KCNMB2: variants seen among roughly 807,000 people sequenced by gnomAD.
KCNMB2 encodes potassium calcium-activated channel subfamily M regulatory beta subunit 2.
A neutral mutation model predicts 24.5 loss-of-function variants in KCNMB2; 9 were observed. The observed-to-expected ratio is 0.37, with a 90% CI of 0.22 to 0.64. The LOEUF is 0.64. Among genes scored for constraint, KCNMB2 ranks in the 30% least tolerant of loss-of-function variants. The pLI is 0.63. For missense variants in KCNMB2, 226 were observed against 284.3 expected (o/e 0.79, Z 1.47); for synonymous variants, 109 against 104.4 (o/e 1.04, Z -0.27).
chr3:178,565,036 G>A (rs1246805098), intron 1 of KCNMB2, among the ~76,000 whole-genome samples: 3 of 151,902 alleles, frequency 2.0e-5, no homozygotes, highest in African/African-American at 4.8e-5. Context: ...ATATTTCTTA[G>A]TATAAAAATC....
chr3:178,728,060 T>C (rs940194357), intron 1 of KCNMB2, among the ~76,000 whole-genome samples: 2 of 152,228 alleles, frequency 1.3e-5, no homozygotes, highest in Admixed American at 1.3e-4. Flanking sequence ...TGCATGGAAC[T>C]GGCTATCTGT....
intron 1 of KCNMB2, chr3:178,795,062 A>G (rs1425247734): frequency 6.6e-6 from 1 of 152,188 alleles, no homozygotes; most frequent in East Asian, 1.9e-4. Flanking sequence ...AACTGATTAC[A>G]TATTTGATGT....
chr3:178,781,567 T>C (rs1712841472), intron 1 of KCNMB2, among the ~76,000 whole-genome samples: 1 of 151,844 alleles, frequency 6.6e-6, no homozygotes, highest in African/African-American at 2.4e-5. Context: ...ACTCCAGCCT[T>C]GGAGCAAGAC....
At chr3:178,663,484 C>T (rs1720609832) in intron 1 of KCNMB2, among the ~76,000 whole-genome samples, 1 of 152,078 alleles carries the variant, frequency 6.6e-6, no homozygotes, top group African/African-American at 2.4e-5. Flanking sequence ...TCTTAAACTG[C>T]CACCTTATGA....
At chr3:178,698,324 TTC>T (rs1402102238) in intron 1 of KCNMB2, among the ~76,000 whole-genome samples, 1 of 144,496 alleles carries the variant, frequency 6.9e-6, no homozygotes, top group Admixed American at 6.8e-5. Context: ...TTCTTTTTCA[TTC>T]TCTTTTCTCT....
intron 1 of KCNMB2, among the ~76,000 whole-genome samples, chr3:178,568,897 T>A (rs1716664926): frequency 8.6e-6 from 1 of 115,956 alleles, no homozygotes. Context: ...GATAGATAGA[T>A]AGATGGATAG....
intron 1 of KCNMB2, among the ~76,000 whole-genome samples, chr3:178,587,749 T>C (rs1484526011): frequency 6.6e-6 from 1 of 151,904 alleles, no homozygotes; most frequent in East Asian, 1.9e-4. Context: ...CTTTTTTTTT[T>C]TTTTATACGT....
At chr3:178,745,703 G>A (rs1723643303) in intron 1 of KCNMB2, among the ~76,000 whole-genome samples, 1 of 152,318 alleles carries the variant, frequency 6.6e-6, no homozygotes, top group Admixed American at 6.5e-5. Flanking sequence ...ATACAATGGG[G>A]GTACAGCATT....
intron 1 of KCNMB2, among the ~76,000 whole-genome samples, chr3:178,768,347 A>G (rs952014725): frequency 2.6e-5 from 4 of 151,528 alleles, no homozygotes; most frequent in Non-Finnish European, 4.4e-5. Context: ...AGCCCATTAC[A>G]CTCTCCATCA....
chr3:178,670,241 AT>A (rs1380439472), intron 1 of KCNMB2, among the ~76,000 whole-genome samples: 1 of 152,082 alleles, frequency 6.6e-6, no homozygotes, highest in Non-Finnish European at 1.5e-5. Flanking sequence ...GGACAGGACA[AT>A]TTTTTGTTGG....
intron 1 of KCNMB2, among the ~76,000 whole-genome samples, chr3:178,770,284 T>C (rs1046894833): frequency 2.0e-5 from 3 of 152,176 alleles, no homozygotes; most frequent in Admixed American, 6.5e-5. Flanking sequence ...TCAGACATGA[T>C]TGGAAGATAA....
intron 1 of KCNMB2, among the ~76,000 whole-genome samples, chr3:178,781,134 T>A (rs1418972171): frequency 6.6e-6 from 1 of 152,076 alleles, no homozygotes; most frequent in Non-Finnish European, 1.5e-5. Context: ...ATAAAATATA[T>A]TATTAGAATT....
intron 1 of KCNMB2, among the ~76,000 whole-genome samples, chr3:178,706,504 A>G (rs374402971): frequency 3.7e-4 from 57 of 152,234 alleles, no homozygotes; most frequent in Non-Finnish European, 6.6e-4. Context: ...ACATTTGACT[A>G]GACACAATAT....
intron 1 of KCNMB2, among the ~76,000 whole-genome samples, chr3:178,585,000 T>C (rs927571801): frequency 3.9e-5 from 6 of 152,226 alleles, no homozygotes; most frequent in African/African-American, 2.4e-5. Context: ...AAGGAGTTTA[T>C]CTGCCAATAT....
At chr3:178,730,415 A>C (rs796779451) in intron 1 of KCNMB2, among the ~76,000 whole-genome samples, 4,841 of 62,800 alleles carry the variant, frequency 0.077, 273 homozygotes, top group African/African-American at 0.23. Flanking sequence ...ACCCCCCCAC[A>C]CACACACACA....
At chr3:178,758,561 G>GATAT (rs754815380) in intron 1 of KCNMB2, among the ~76,000 whole-genome samples, 760 of 16,948 alleles carry the variant, frequency 0.045, 108 homozygotes, top group Middle Eastern at 0.1. Context: ...TCCAAGAGGA[G>GATAT]ATATATATAT....
intron 1 of KCNMB2, among the ~76,000 whole-genome samples, chr3:178,802,347 G>A (rs550807330): frequency 6.6e-6 from 1 of 152,226 alleles, no homozygotes; most frequent in South Asian, 2.1e-4. Context: ...TAATAAAGAA[G>A]AGTTCATTAA....
In KCNMB2 at chr3:178,756,439, T is replaced by C. The variant is rs1468226645; in HGVS notation, c.-67-50904T>C. Among the ~76,000 whole-genome samples, 3 of 152,150 alleles carry C rather than the reference T, an allele frequency of 2.0e-5. No individual in the cohort carries two copies. The East Asian group carries it at 5.8e-4, about 29-fold the overall frequency. ...CAACCAATCAAAACAAAACCTTGTT[T>C]TATGTGTGTTTTATGTGTGTTTCTG... On this transcript the variant is annotated intron_variant, in intron 1 of 4. Transcript: ENST00000452583.
intron 1 of KCNMB2, chr3:178,757,084 C>T (rs1273953061): frequency 6.6e-6 from 1 of 151,008 alleles, no homozygotes; most frequent in Non-Finnish European, 1.5e-5. Flanking sequence ...GCTTACCTCT[C>T]TTACATTTCC....
Sources: gnomAD v4.1 joint callset for allele counts (sites outside exome capture counted in the v4.1 genomes callset) on GRCh38, gnomAD v4.1.1 for gene constraint, MANE v1.5 for transcripts, NCBI Gene and HGNC (gene_info 2026-07-23, HGNC 2026-07-21) for gene names.